Variants in NOL9 observed in about 807,000 individuals in gnomAD.
The protein encoded by NOL9 is polynucleotide 5'-hydroxyl-kinase NOL9.
Under a neutral mutation model 67.9 loss-of-function variants are expected in NOL9, and 28 were observed. The observed-to-expected ratio is 0.41, with a 90% CI of 0.31 to 0.57. NOL9 has a LOEUF of 0.57. NOL9 is among the 20% of genes least tolerant of loss of function. NOL9 has a pLI of 0.25. For missense variants in NOL9, 777 were observed against 897.0 expected (o/e 0.87, Z 1.71); for synonymous variants, 356 against 352.2 (o/e 1.01, Z -0.12).
At chr1:6,533,482 T>A (rs760079406) in intron 6 of NOL9, 41 bp from the exon 7 acceptor site, 2 of 1,464,152 alleles carry the variant, frequency 1.4e-6, no homozygotes, top group Non-Finnish European at 1.9e-6. Flanking sequence ...GTAAGGTGAG[T>A]GATCAATCCT....
intron 5 of NOL9, among the ~76,000 whole-genome samples, chr1:6,543,924 G>A (rs889456201): frequency 3.5e-4 from 54 of 152,170 alleles, no homozygotes; most frequent in Non-Finnish European, 2.2e-4. Flanking sequence ...TCAGGATTTC[G>A]AGATCAGCCT....
intron 6 of NOL9, among the ~76,000 whole-genome samples, chr1:6,536,427 C>T (rs935020561): frequency 6.6e-6 from 1 of 152,108 alleles, no homozygotes; most frequent in Non-Finnish European, 1.5e-5. Context: ...CCTACCTACT[C>T]AAAGTGAGGT....
chr1:6,527,394 T>C (rs1638912443), intron 10 of NOL9, among the ~76,000 whole-genome samples: 1 of 152,088 alleles, frequency 6.6e-6, no homozygotes, highest in Non-Finnish European at 1.5e-5. Flanking sequence ...ATGCCTGTAA[T>C]CCCAGCACTG....
At chr1:6,552,051 A>T (rs981922850) in intron 1 of NOL9, among the ~76,000 whole-genome samples, 1 of 152,112 alleles carries the variant, frequency 6.6e-6, no homozygotes, top group South Asian at 2.1e-4. Flanking sequence ...AAAGAAAGAA[A>T]ATCAAAATAT....
Position 6,526,728 on chromosome 1 carries a change from TAGCTCCAACG to T in NOL9, c.1917_1926del (p.Val640LeufsTer59). 1 of 1,613,726 alleles carries T rather than the reference TAGCTCCAACG, an allele frequency of 6.2e-7. No homozygotes were observed. The highest frequency in any genetic ancestry group is 2.2e-5 in the East Asian group (1 of 44,858). The stretch of plus-strand genomic sequence containing the variant: ...TTAAGGACACAATGTGGAATGGCAA[TAGCTCCAACG>T]AGCAGACAATTCACGGTCCTTAGCT... On this transcript the variant is annotated frameshift_variant, in exon 11 of 12. Coordinates refer to ENST00000377705, the MANE Select transcript of NOL9 (RefSeq NM_024654.5). LOFTEE classifies it low-confidence loss of function (END_TRUNC).
At chr1:6,530,949 C>A (rs758168147) in intron 9 of NOL9, among the ~76,000 whole-genome samples, 2 of 152,204 alleles carry the variant, frequency 1.3e-5, no homozygotes, top group Non-Finnish European at 2.9e-5. Flanking sequence ...AAGCTGACTC[C>A]CAGTCCCTGG....
intron 1 of NOL9, among the ~76,000 whole-genome samples, chr1:6,552,689 C>T (rs1003530638): frequency 4.6e-5 from 7 of 152,050 alleles, no homozygotes; most frequent in African/African-American, 1.7e-4. Flanking sequence ...AGGCTGGTCT[C>T]GAACTCGCTA....
At chr1:6,529,758 T>G (rs1248917214) in intron 9 of NOL9, among the ~76,000 whole-genome samples, 2 of 151,738 alleles carry the variant, frequency 1.3e-5, no homozygotes, top group East Asian at 3.9e-4. Flanking sequence ...AAACCCTGTC[T>G]CTACTAAAAA....
At chr1:6,530,213 G>A (rs1297998198) in intron 9 of NOL9, among the ~76,000 whole-genome samples, 1 of 152,192 alleles carries the variant, frequency 6.6e-6, no homozygotes, top group Non-Finnish European at 1.5e-5. Flanking sequence ...AGCACTTTGG[G>A]AGGCTGAGGC....
At chr1:6,532,871 C>T (rs1279269645) in intron 7 of NOL9, 111 bp from the exon 8 acceptor site, 2 of 1,084,174 alleles carry the variant, frequency 1.8e-6, no homozygotes, top group African/African-American at 3.2e-5. Context: ...GACAAAGAAA[C>T]CATCAATACG....
At chr1:6,534,551 T>C (rs1639105779) in intron 6 of NOL9, among the ~76,000 whole-genome samples, 1 of 152,148 alleles carries the variant, frequency 6.6e-6, no homozygotes, top group Admixed American at 6.6e-5. Flanking sequence ...GCGAGGCTCC[T>C]TTCAAGGTTG....
rs1369779161 is a variant in NOL9, at chr1:6,554,361, G to C, written c.142C>G (p.Leu48Val). 4 of 1,455,518 alleles carry C rather than the reference G, an allele frequency of 2.7e-6. No individual in the cohort carries two copies. The allele number at this position is 1,455,518 out of a possible 1,614,324, so 90.2% of individuals were successfully genotyped here. ...GSLRWCGRRR[L>V]RWRLLQAQAS... ...TGGGCTTGCAGTAACCGCCACCGTAGGCGCCGCCGACCGCACCAGCGCAGG... is the reference window on the plus strand; with the variant it reads ...TGGGCTTGCAGTAACCGCCACCGTACGCGCCGCCGACCGCACCAGCGCAGG... The change falls in exon 1 of 12, where the codon CTA becomes GTA. Residue 48 changes from leucine (L) to valine (V), a missense_variant. Leu to Val is a conservative substitution (Grantham distance 32). This residue lies in a region of NOL9 where 364 missense variants were observed against 344.4 expected (regional missense o/e 1.06). Transcript: ENST00000377705.
intron 1 of NOL9, among the ~76,000 whole-genome samples, chr1:6,553,747 C>T (rs1639596060): frequency 6.6e-6 from 1 of 152,140 alleles, no homozygotes; most frequent in Admixed American, 6.5e-5. Flanking sequence ...GAGGCTGAGG[C>T]AGGGGAATCG....
At chr1:6,532,351 G>GT in intron 8 of NOL9, 112 bp downstream of exon 8, 1 of 1,014,212 alleles carries the variant, frequency 9.9e-7, no homozygotes, top group Middle Eastern at 2.9e-4. Flanking sequence ...ATGCACAGCT[G>GT]TGACAGGGAC....
intron 1 of NOL9, among the ~76,000 whole-genome samples, chr1:6,551,988 T>C (rs1454531452): frequency 3.3e-5 from 5 of 152,212 alleles, no homozygotes; most frequent in African/African-American, 4.8e-5. Flanking sequence ...TGAGCCCAGA[T>C]TGCGCCACTG....
chr1:6,532,304 C>A, intron 8 of NOL9, 159 bp downstream of exon 8: 2 of 771,746 alleles, frequency 2.6e-6, no homozygotes, highest in Non-Finnish European at 4.1e-6. Context: ...CCACTGGGAA[C>A]ATAACAGTTC....
Position 6,549,858 on chromosome 1 carries a change from C to T in NOL9, c.617-160G>A, listed in dbSNP as rs561354666. Reference sequence around the variant, plus strand: ...GCCGTACTACATACTAAGAACACATCTGGGAGGAGAAGTCAATCGAGGTTT... The same window carrying T: ...GCCGTACTACATACTAAGAACACATTTGGGAGGAGAAGTCAATCGAGGTTT... On this transcript the variant is annotated intron_variant, in intron 2 of 11. Transcript: ENST00000377705. 3.9e-4 allele frequency among the ~76,000 whole-genome samples: 59 copies of T among 152,256 alleles called. 2 individuals are homozygous for T. The South Asian group carries it at 0.012, about 31-fold the overall frequency.
At chr1:6,538,023 A>T (rs1382529294) in intron 6 of NOL9, among the ~76,000 whole-genome samples, 1 of 150,132 alleles carries the variant, frequency 6.7e-6, no homozygotes, top group Non-Finnish European at 1.5e-5. Context: ...AAAGAGTAAA[A>T]ACTGAACAAA....
chr1:6,526,859 AC>A, intron 10 of NOL9, 30 bp from the exon 11 acceptor site: 1 of 1,538,960 alleles, frequency 6.5e-7, no homozygotes, highest in Middle Eastern at 1.7e-4. Flanking sequence ...CACAAAAATC[AC>A]CCTTTTGGAA....
Sources: gnomAD v4.1 joint callset for allele counts (sites outside exome capture counted in the v4.1 genomes callset) on GRCh38, gnomAD v4.1.1 for gene constraint, gnomAD v4.1.1 regional missense constraint, MANE v1.5 for transcripts, NCBI Gene and HGNC (gene_info 2026-07-23, HGNC 2026-07-21) for gene names.